HNRNPUL1: variants seen among roughly 807,000 people sequenced by gnomAD.
The protein encoded by HNRNPUL1 is heterogeneous nuclear ribonucleoprotein U like 1, also known as heterogeneous nuclear ribonucleoprotein U-like protein 1.
A neutral mutation model predicts 108.5 loss-of-function variants in HNRNPUL1; 14 were observed. The ratio of observed to expected loss-of-function variants is 0.13; its 90% CI spans 0.09 to 0.20. The LOEUF is 0.20. HNRNPUL1 is among the 10% of genes least tolerant of loss of function. The probability of loss-of-function intolerance (pLI) is 1.00; values close to 1 mark genes in which losing one functional copy is unlikely to be tolerated. For missense variants in HNRNPUL1, 804 were observed against 1,168.3 expected, an observed-to-expected ratio of 0.69 and a Z score of 4.55; for synonymous variants, 422 against 445.2, an observed-to-expected ratio of 0.95 and a Z score of 0.66.
In HNRNPUL1 at chr19:41,294,105, G is replaced by T. The variant is rs2122842313; in HGVS notation, c.1267-233G>T. On this transcript the variant is annotated intron_variant, in intron 8 of 14. Coordinates refer to ENST00000392006, the MANE Select transcript of HNRNPUL1 (RefSeq NM_007040.6). The surrounding 1 kb of genome is among the most constrained non-coding windows in gnomAD (Gnocchi z 4.3). ...TGGGATTATAGGCGTGAGCTACCGT[G>T]CCTGGCCAGCACTTGACTTAATGCT... 1.3e-5 allele frequency among the ~76,000 whole-genome samples: 2 copies of T among 152,228 alleles called. No homozygotes were observed. The highest frequency in any genetic ancestry group is 6.8e-3 in the Middle Eastern group (2 of 294).
At position 41,292,612 on chromosome 19, in the gene HNRNPUL1, G is replaced by A; in HGVS notation, c.1266+101G>A. ...GACTTGCTGCGAGAGTAGCCTTGGG[G>A]CAAGTGGCCACTTTGTCCCAGCTCC... is the stretch of plus-strand genomic sequence containing the variant. On this transcript the variant is annotated intron_variant, in intron 8 of 14. Transcript: ENST00000392006. The surrounding 1 kb of genome is among the most constrained non-coding windows in gnomAD (Gnocchi z 4.1). The A allele has an allele frequency of 7.0e-7, 1 of 1,423,728 alleles. No homozygotes were observed. Among genetic ancestry groups the A allele is most frequent in the Non-Finnish European group, 9.7e-7 (1 of 1,026,570 alleles). The allele number at this position is 1,423,728 out of a possible 1,614,324, so 88.2% of individuals were successfully genotyped here. A position where few individuals can be genotyped will look rare whatever the true frequency, so the allele number is the denominator to read the frequency against.
chr19:41,273,155 C>T (rs560440541), intron 3 of HNRNPUL1, among the ~76,000 whole-genome samples: 1 of 152,230 alleles, frequency 6.6e-6, no homozygotes, highest in Non-Finnish European at 1.5e-5. Context: ...GAAGAACACT[C>T]GCTCTGATCC....
At chr19:41,288,707 C>T (rs1364430083) in intron 7 of HNRNPUL1, among the ~76,000 whole-genome samples, 1 of 152,114 alleles carries the variant, frequency 6.6e-6, no homozygotes, top group Non-Finnish European at 1.5e-5. Flanking sequence ...TAATGGCTGT[C>T]TAGTATTCTG....
chr19:41,289,855 G>GGT, intron 7 of HNRNPUL1, among the ~76,000 whole-genome samples: 1 of 151,924 alleles, frequency 6.6e-6, no homozygotes. Flanking sequence ...TGGGATTACA[G>GGT]GCACTCGCCA....
chr19:41,306,284 T>G (rs994983271), intron 14 of HNRNPUL1, among the ~76,000 whole-genome samples, 165 bp from the exon 15 acceptor site: 1 of 152,196 alleles, frequency 6.6e-6, no homozygotes, highest in African/African-American at 2.4e-5. Flanking sequence ...TGCCTACCTG[T>G]GTGGTGTCAG....
At chr19:41,299,031 A>G (rs2037048003) in intron 10 of HNRNPUL1, 1 of 152,320 alleles carries the variant, frequency 6.6e-6, no homozygotes, top group South Asian at 2.1e-4. Flanking sequence ...GAGGAAGCCA[A>G]ACTCTTTCTT....
intron 7 of HNRNPUL1, among the ~76,000 whole-genome samples, chr19:41,286,906 C>T (rs1312305013): frequency 1.3e-5 from 2 of 151,536 alleles, no homozygotes; most frequent in Non-Finnish European, 2.9e-5. Context: ...TTAGTAGAGA[C>T]GGGGTTTCAC....
At position 41,264,400 on chromosome 19, in the gene HNRNPUL1, G is replaced by GA; in HGVS notation, c.-104_-103insA. On this transcript the variant is annotated 5_prime_UTR_variant, in exon 1 of 15. Coordinates refer to ENST00000392006, the MANE Select transcript of HNRNPUL1 (RefSeq NM_007040.6). ...TTGAGCCGCTGCCGCCATTGGAGTG[G>GA]GCCCCCCCCCTTTCCCCCTTCGCCT... 6 of 1,026,922 alleles carry GA rather than the reference G, an allele frequency of 5.8e-6. No homozygotes were observed. Among genetic ancestry groups the GA allele is most frequent in the Non-Finnish European group, 7.6e-6 (6 of 786,222 alleles). 63.6% of individuals were successfully genotyped at this position (1,026,922 alleles called of 1,614,324 possible). A position where few individuals can be genotyped will look rare whatever the true frequency, so the allele number is the denominator to read the frequency against.
upstream of HNRNPUL1, chr19:41,262,581 A>C (rs1262753975): frequency 6.6e-6 from 1 of 152,398 alleles, no homozygotes; most frequent in Non-Finnish European, 1.5e-5. Context: ...CTCTGGGCCC[A>C]CGTGAGTGTC....
intron 11 of HNRNPUL1, 48 bp downstream of exon 11, chr19:41,301,752 G>C (rs202211044): frequency 3.4e-4 from 519 of 1,514,098 alleles, no homozygotes; most frequent in Non-Finnish European, 2.2e-4. Flanking sequence ...GGGTCCTGGA[G>C]AGAAGAAGCT....
intron 7 of HNRNPUL1, among the ~76,000 whole-genome samples, chr19:41,283,731 C>T (rs2036045656): frequency 6.6e-6 from 1 of 152,000 alleles, no homozygotes; most frequent in African/African-American, 2.4e-5. Context: ...GCTGGGATTA[C>T]CAAGTGTGAG....
intron 2 of HNRNPUL1, among the ~76,000 whole-genome samples, chr19:41,268,891 C>G (rs764862868): frequency 9.2e-5 from 14 of 151,828 alleles, no homozygotes; most frequent in Non-Finnish European, 2.1e-4. Flanking sequence ...GTATAAGCAC[C>G]CTGGAGAGTT....
At chr19:41,297,968 C>T (rs2036985633) in intron 10 of HNRNPUL1, among the ~76,000 whole-genome samples, 1 of 152,196 alleles carries the variant, frequency 6.6e-6, no homozygotes, top group Non-Finnish European at 1.5e-5. Flanking sequence ...ATTCTTGACA[C>T]ACCAGCCAGT....
At chr19:41,283,476 G>C (rs1291611208) in intron 7 of HNRNPUL1, among the ~76,000 whole-genome samples, 3 of 151,608 alleles carry the variant, frequency 2.0e-5, no homozygotes, top group Non-Finnish European at 2.9e-5. Flanking sequence ...TTTGTTTTGA[G>C]ACGGAGTCTT....
chr19:41,276,223 G>C lies in HNRNPUL1; in HGVS notation c.711G>C (p.Glu237Asp), dbSNP rs1340548776. The C allele has an allele frequency of 6.2e-7, 1 of 1,613,846 alleles. No homozygotes were observed. Among genetic ancestry groups the C allele is most frequent in the Non-Finnish European group, 8.5e-7 (1 of 1,180,000 alleles). Residue 237 changes from glutamate to aspartate, a missense_variant, in exon 5 of 15, where the codon GAG (glutamate) becomes GAC (aspartate). Glu to Asp is a conservative substitution (Grantham distance 45, BLOSUM62 2). Transcript: ENST00000392006. ...GTAGTGGCTATCCGCTCACAATTGA[G>C]GGCTTTGCATACCTGTGGTCAGGAG... is the stretch of plus-strand genomic sequence containing the variant. ...DRSSGYPLTI[E>D]GFAYLWSGAR...
intron 7 of HNRNPUL1, among the ~76,000 whole-genome samples, chr19:41,288,282 G>C (rs2036370385): frequency 6.9e-6 from 1 of 145,718 alleles, no homozygotes; most frequent in Non-Finnish European, 1.5e-5. Context: ...TTTTGCTCTT[G>C]TTGCCCAGGC....
At chr19:41,279,932 G>A (rs2035806408) in intron 6 of HNRNPUL1, among the ~76,000 whole-genome samples, 2 of 152,124 alleles carry the variant, frequency 1.3e-5, no homozygotes, top group Non-Finnish European at 2.9e-5. Flanking sequence ...TTGTTTTAAT[G>A]TATGATGGGC....
At chr19:41,295,402 G>A (rs770766533) in intron 10 of HNRNPUL1, among the ~76,000 whole-genome samples, 3 of 151,870 alleles carry the variant, frequency 2.0e-5, no homozygotes, top group Non-Finnish European at 4.4e-5. Flanking sequence ...ACAGTTTTTT[G>A]TCCCTATCTT....
Position 41,302,675 on chromosome 19 carries a change from G to C in HNRNPUL1, c.1698G>C (p.Thr566=), listed in dbSNP as rs780628156. Residue 566 remains threonine (T), a synonymous_variant, in exon 12 of 15, where the codon ACG becomes ACC. Transcript: ENST00000392006. ...CTTCCTTCCTCCTAGCCAACTTCAC[G>C]TTGCCAGATGTTGGGGACTTCCTGG... is the stretch of plus-strand genomic sequence containing the variant. ...HAVLEMKANF[T]LPDVGDFLDE... 6.2e-7 allele frequency: 1 copy of C among 1,614,136 alleles called. No individual in the cohort carries two copies. The highest frequency in any genetic ancestry group is 8.5e-7 in the Non-Finnish European group (1 of 1,180,026).
Sources: gnomAD v4.1 joint callset for allele counts (sites outside exome capture counted in the v4.1 genomes callset) on GRCh38, gnomAD v4.1.1 for gene constraint, Gnocchi (gnomAD v3.1) non-coding constraint, MANE v1.5 for transcripts, NCBI Gene and HGNC (gene_info 2026-07-23, HGNC 2026-07-21) for gene names.